Variants in AKAP6 observed in about 807,000 individuals in gnomAD.
AKAP6 encodes A-kinase anchor protein 6.
Under a neutral mutation model 188.5 loss-of-function variants are expected in AKAP6, and 58 were observed. The ratio of observed to expected loss-of-function variants is 0.31; its 90% CI spans 0.25 to 0.38. The LOEUF is 0.38. Ranked by LOEUF, AKAP6 falls within the 10% of genes least tolerant of loss-of-function variation. The pLI is 1.00. For synonymous variants in AKAP6, 989 were observed against 998.6 expected, an observed-to-expected ratio of 0.99 and a Z score of 0.18; for missense variants, 2,710 against 2,740.0, an observed-to-expected ratio of 0.99 and a Z score of 0.24.
rs117091727 is a variant in AKAP6 at position 32,654,122 on chromosome 14, C to T, written c.2731-24189C>T. Among the ~76,000 whole-genome samples, 616 of 152,168 alleles carry T rather than the reference C, an allele frequency of 4.0e-3. 38 individuals are homozygous for T. In the East Asian group the frequency reaches 0.1, roughly 26 times the overall value. On this transcript the variant is annotated intron_variant, in intron 7 of 13. Transcript: ENST00000280979. Reference sequence around the variant, plus strand: ...AATCAGACTTTGCCCTATAAAATGCCCATAATTTTTAGCAGCTATATATCT... The same window carrying T: ...AATCAGACTTTGCCCTATAAAATGCTCATAATTTTTAGCAGCTATATATCT...
At chr14:32,466,514 G>C (rs1464458033) in intron 2 of AKAP6, among the ~76,000 whole-genome samples, 2 of 152,062 alleles carry the variant, frequency 1.3e-5, no homozygotes, top group African/African-American at 4.8e-5. Context: ...CACATAAGTG[G>C]GAGTTGAACA....
intron 11 of AKAP6, among the ~76,000 whole-genome samples, chr14:32,741,442 C>T (rs1317711172): frequency 1.3e-5 from 2 of 151,950 alleles, no homozygotes; most frequent in Non-Finnish European, 2.9e-5. Context: ...TGTTCCAAAT[C>T]TTGGAGGAAA....
chr14:32,581,539 T>G (rs2139282394), intron 5 of AKAP6, among the ~76,000 whole-genome samples: 1 of 152,282 alleles, frequency 6.6e-6, no homozygotes, highest in South Asian at 2.1e-4. Flanking sequence ...GTTCAATTCC[T>G]GGGTATCCTT....
intron 7 of AKAP6, among the ~76,000 whole-genome samples, chr14:32,636,322 A>G (rs778556992): frequency 6.6e-6 from 1 of 152,142 alleles, no homozygotes; most frequent in Non-Finnish European, 1.5e-5. Flanking sequence ...ATCAAAACAT[A>G]ATTTGTTGTA....
intron 11 of AKAP6, among the ~76,000 whole-genome samples, chr14:32,744,523 A>G (rs2031813006): frequency 6.6e-6 from 1 of 151,952 alleles, no homozygotes; most frequent in African/African-American, 2.4e-5. Context: ...TCACTGCACT[A>G]GCCAGGATGG....
At chr14:32,516,166 C>T (rs1409129166) in intron 2 of AKAP6, among the ~76,000 whole-genome samples, 4 of 152,236 alleles carry the variant, frequency 2.6e-5, no homozygotes, top group Admixed American at 1.3e-4. Flanking sequence ...GTCCTTTTTG[C>T]GTATTCTGTG....
chr14:32,672,929 C>T (rs919504475), intron 7 of AKAP6, among the ~76,000 whole-genome samples: 2 of 152,156 alleles, frequency 1.3e-5, no homozygotes, highest in Non-Finnish European at 2.9e-5. Context: ...AGATTAAGGC[C>T]ATCACAGAAA....
intron 12 of AKAP6, among the ~76,000 whole-genome samples, chr14:32,807,208 C>T (rs2034113439): frequency 6.6e-6 from 1 of 151,572 alleles, no homozygotes; most frequent in Non-Finnish European, 1.5e-5. Context: ...ATTAGCCAGG[C>T]ATGGTGGCAC....
chr14:32,751,938 T>A (rs1022013147), intron 11 of AKAP6, among the ~76,000 whole-genome samples: 3 of 152,228 alleles, frequency 2.0e-5, no homozygotes, highest in African/African-American at 7.2e-5. Flanking sequence ...TTTCTCTTTT[T>A]TGGTATTAAC....
At chr14:32,665,065 C>G (rs898567872) in intron 7 of AKAP6, among the ~76,000 whole-genome samples, 2 of 152,102 alleles carry the variant, frequency 1.3e-5, no homozygotes, top group East Asian at 3.9e-4. Flanking sequence ...TTCCTCTACT[C>G]TCACACCACA....
At chr14:32,405,719 T>A (rs1455117484) in intron 1 of AKAP6, among the ~76,000 whole-genome samples, 1 of 151,954 alleles carries the variant, frequency 6.6e-6, no homozygotes, top group African/African-American at 2.4e-5. Flanking sequence ...TCATGAGATC[T>A]GATGGTTTTA....
At chr14:32,419,454 G>A (rs1403648626) in intron 1 of AKAP6, among the ~76,000 whole-genome samples, 1 of 152,188 alleles carries the variant, frequency 6.6e-6, no homozygotes, top group African/African-American at 2.4e-5. Context: ...AGTGTGAGTA[G>A]TTATTTGATG....
intron 12 of AKAP6, among the ~76,000 whole-genome samples, chr14:32,785,802 A>G (rs1196451550): frequency 2.6e-5 from 4 of 152,218 alleles, no homozygotes; most frequent in African/African-American, 9.6e-5. Flanking sequence ...AACGAATGCT[A>G]TACTTATTTG....
At chr14:32,363,058 C>T (rs892683713) in intron 1 of AKAP6, among the ~76,000 whole-genome samples, 4 of 152,166 alleles carry the variant, frequency 2.6e-5, no homozygotes, top group East Asian at 1.9e-4. Flanking sequence ...ACTGGAGCTA[C>T]AGAGAGAAAA....
chr14:32,573,839 A>G (rs1884604007), intron 4 of AKAP6, among the ~76,000 whole-genome samples: 1 of 152,184 alleles, frequency 6.6e-6, no homozygotes, highest in Non-Finnish European at 1.5e-5. Flanking sequence ...GTGTGTCCAA[A>G]TGTGAATACA....
chr14:32,590,722 G>A (rs1336349227), intron 5 of AKAP6, among the ~76,000 whole-genome samples: 3 of 152,052 alleles, frequency 2.0e-5, no homozygotes, highest in Admixed American at 1.3e-4. Flanking sequence ...CTGTTTTCAG[G>A]ATGCAATTTA....
At chr14:32,814,967 G>A (rs548334174) in intron 12 of AKAP6, among the ~76,000 whole-genome samples, 2 of 152,272 alleles carry the variant, frequency 1.3e-5, no homozygotes, top group Non-Finnish European at 2.9e-5. Flanking sequence ...AGTGGAGACA[G>A]GACAGTCAGA....
chr14:32,342,154 A>T (rs1447912576), intron 1 of AKAP6, among the ~76,000 whole-genome samples: 1 of 152,048 alleles, frequency 6.6e-6, no homozygotes, highest in African/African-American at 2.4e-5. Flanking sequence ...TGTGCTGATG[A>T]CTCATAAATT....
chr14:32,583,307 T>G (rs1021712497), intron 5 of AKAP6, among the ~76,000 whole-genome samples: 2 of 152,108 alleles, frequency 1.3e-5, no homozygotes, highest in African/African-American at 2.4e-5. Context: ...AACAGCGGAT[T>G]TTCGTGAACC....
Sources: allele counts gnomAD v4.1 joint callset (sites outside exome capture counted in the v4.1 genomes callset), GRCh38; gene constraint gnomAD v4.1.1; transcripts MANE v1.5; gene names NCBI Gene and HGNC (gene_info 2026-07-23, HGNC 2026-07-21).